The following CCDC178 variants were observed in gnomAD, a reference collection of about 807,000 sequenced individuals.
CCDC178 encodes the protein coiled-coil domain containing 178, also known as coiled-coil domain-containing protein 178.
CCDC178 carries 126 observed loss-of-function variants against 117.4 expected under a neutral mutation model. That is an observed-to-expected ratio of 1.07 (90% CI 0.93 to 1.24). The LOEUF is 1.24. Ranked by LOEUF, CCDC178 falls within the 50% of genes most tolerant of loss-of-function variation. CCDC178 has a pLI of 0.00. For synonymous variants in CCDC178, 283 were observed against 313.4 expected, an observed-to-expected ratio of 0.90 and a Z score of 1.02; for missense variants, 1,030 against 986.9, an observed-to-expected ratio of 1.04 and a Z score of -0.59.
intron 22 of CCDC178, among the ~76,000 whole-genome samples, chr18:32,945,600 A>G (rs1452368410): frequency 2.0e-5 from 3 of 152,330 alleles, no homozygotes; most frequent in African/African-American, 7.2e-5. Flanking sequence ...GTGTAAGCAC[A>G]ATTTGGAGAA....
chr18:33,077,560 A>C lies in CCDC178; in HGVS notation c.2388+15201T>G, dbSNP rs1417812326. Reference sequence around the variant, plus strand: ...GGACTAATAAAGAAGAAAAGAGAGAAGATCCAAATAAACACAATTAGAAAT... The same window carrying C: ...GGACTAATAAAGAAGAAAAGAGAGACGATCCAAATAAACACAATTAGAAAT... On this transcript the variant is annotated intron_variant, in intron 21 of 22. Coordinates refer to ENST00000383096, the MANE Select transcript of CCDC178 (RefSeq NM_001105528.4). Among the ~76,000 whole-genome samples the C allele has an allele frequency of 2.0e-5, 3 of 152,178 alleles. No homozygotes were observed. The East Asian group carries it at 5.8e-4, about 29-fold the overall frequency.
chr18:32,966,371 T>C (rs182666541), intron 22 of CCDC178, among the ~76,000 whole-genome samples: 1 of 151,994 alleles, frequency 6.6e-6, no homozygotes, highest in Non-Finnish European at 1.5e-5. Context: ...CTACTGTCTA[T>C]GGCTGCTCTC....
At chr18:33,054,197 A>G (rs1598832622) in intron 21 of CCDC178, among the ~76,000 whole-genome samples, 3 of 152,306 alleles carry the variant, frequency 2.0e-5, no homozygotes, top group South Asian at 4.1e-4. Flanking sequence ...TCACTTCGCA[A>G]TAAATATTTC....
intron 20 of CCDC178, among the ~76,000 whole-genome samples, chr18:33,120,656 A>G (rs1358414142): frequency 6.6e-6 from 1 of 152,184 alleles, no homozygotes; most frequent in Non-Finnish European, 1.5e-5. Context: ...AGCTATAAAT[A>G]ACATTTCCAA....
intron 11 of CCDC178, among the ~76,000 whole-genome samples, chr18:33,306,456 GGTTA>G (rs2062251751): frequency 1.0e-5 from 1 of 95,532 alleles, no homozygotes; most frequent in African/African-American, 4.0e-5. Context: ...GTGTACATAT[GGTTA>G]TATATATATA....
chr18:33,218,303 A>AT (rs370248342), intron 18 of CCDC178, among the ~76,000 whole-genome samples: 7 of 151,844 alleles, frequency 4.6e-5, no homozygotes, highest in African/African-American at 1.5e-4. Flanking sequence ...GAGTCATTTG[A>AT]TTTTTTCTCG....
chr18:33,293,049 C>T (rs1018383327), intron 12 of CCDC178, 110 bp downstream of exon 12: 2 of 681,062 alleles, frequency 2.9e-6, no homozygotes, highest in South Asian at 4.4e-5. Flanking sequence ...GGCAAATTGG[C>T]TAAATATAAA....
intron 20 of CCDC178, among the ~76,000 whole-genome samples, chr18:33,174,740 T>C (rs1228790083): frequency 2.0e-5 from 3 of 152,204 alleles, no homozygotes; most frequent in East Asian, 3.9e-4. Context: ...TTTAAAAAAA[T>C]CCTATCTTCT....
intron 20 of CCDC178, among the ~76,000 whole-genome samples, chr18:33,124,428 C>A (rs1003439557): frequency 1.3e-5 from 2 of 152,118 alleles, no homozygotes. Flanking sequence ...AAGATGAGTT[C>A]TTTACTTGTT....
chr18:32,979,595 T>C (rs983655306), intron 21 of CCDC178, among the ~76,000 whole-genome samples: 1 of 152,216 alleles, frequency 6.6e-6, no homozygotes, highest in Non-Finnish European at 1.5e-5. Context: ...TTACAAAATA[T>C]TTTGAAGAAT....
chr18:33,132,785 T>C (rs887696315), intron 20 of CCDC178, among the ~76,000 whole-genome samples: 3 of 151,688 alleles, frequency 2.0e-5, no homozygotes, highest in African/African-American at 7.2e-5. Context: ...ATGTAAATAG[T>C]GGTGGCTTGC....
Position 32,937,942 on chromosome 18 carries a change from CACTGTTATCTGA to C in CCDC178, c.*57_*68del. 8.2e-7 allele frequency: 1 copy of C among 1,216,670 alleles called. No individual in the cohort carries two copies. The highest frequency in any genetic ancestry group is 1.7e-5 in the Admixed American group (1 of 57,942). 75.4% of individuals were successfully genotyped at this position (1,216,670 alleles called of 1,614,324 possible). A position where few individuals can be genotyped will look rare whatever the true frequency, so the allele number is the denominator to read the frequency against. On this transcript the variant is annotated 3_prime_UTR_variant, in exon 23 of 23. Coordinates refer to ENST00000383096, the MANE Select transcript of CCDC178 (RefSeq NM_001105528.4). ...TGGCAAACAGGTGAATGTCCAATTA[CACTGTTATCTGA>C]ACTGTGTGACTTTTCTTGTCTTTTA...
At chr18:33,422,553 AGC>A (rs954558163) in intron 2 of CCDC178, among the ~76,000 whole-genome samples, 1 of 152,238 alleles carries the variant, frequency 6.6e-6, no homozygotes, top group African/African-American at 2.4e-5. Context: ...GGAAGGCACT[AGC>A]CACAGTATCA....
intron 12 of CCDC178, among the ~76,000 whole-genome samples, chr18:33,289,256 AT>A (rs2144859804): frequency 6.6e-6 from 1 of 152,322 alleles, no homozygotes; most frequent in South Asian, 2.1e-4. Context: ...TGAAAATAAA[AT>A]TTAAAAATTT....
At chr18:33,378,273 T>C (rs968106827) in intron 5 of CCDC178, among the ~76,000 whole-genome samples, 58 of 152,344 alleles carry the variant, frequency 3.8e-4, no homozygotes, top group African/African-American at 1.4e-3. Flanking sequence ...GAATTGCTGC[T>C]GAATTTTGTA....
chr18:33,041,065 ATAT>A (rs1474160143), intron 21 of CCDC178, among the ~76,000 whole-genome samples: 1 of 151,966 alleles, frequency 6.6e-6, no homozygotes, highest in Non-Finnish European at 1.5e-5. Context: ...AAGTGAAAGG[ATAT>A]TATTTTAAAT....
chr18:32,999,837 T>C (rs528995629), intron 21 of CCDC178, among the ~76,000 whole-genome samples: 76 of 152,216 alleles, frequency 5.0e-4, no homozygotes, highest in Non-Finnish European at 9.7e-4. Flanking sequence ...CAGGTCACAA[T>C]GTCCAAGTCC....
intron 20 of CCDC178, among the ~76,000 whole-genome samples, chr18:33,211,188 C>T (rs532348605): frequency 1.3e-5 from 2 of 151,638 alleles, no homozygotes; most frequent in African/African-American, 2.4e-5. Flanking sequence ...TAAAATACTA[C>T]GGAAAATATT....
intron 6 of CCDC178, among the ~76,000 whole-genome samples, chr18:33,360,347 C>CCAAATGACTATCAA (rs1175559619): frequency 6.6e-6 from 1 of 150,678 alleles, no homozygotes; most frequent in East Asian, 1.9e-4. Flanking sequence ...GGGGAACAAC[C>CCAAATGACTATCAA]CAAATGACTA....
Sources: gnomAD v4.1 joint callset for allele counts (sites outside exome capture counted in the v4.1 genomes callset) on GRCh38, gnomAD v4.1.1 for gene constraint, MANE v1.5 for transcripts, NCBI Gene and HGNC (gene_info 2026-07-23, HGNC 2026-07-21) for gene names.